The following RELN variants were observed in gnomAD, a reference collection of about 807,000 sequenced individuals.
RELN encodes reelin.
In RELN, 108 loss-of-function variants were observed where a neutral mutation model predicts 427.6. The observed-to-expected ratio is 0.25, with a 90% CI of 0.22 to 0.30. The LOEUF (loss-of-function observed/expected upper bound fraction) is 0.30, where lower values mean the gene tolerates loss of function less well. Among genes scored for constraint, RELN ranks in the 10% least tolerant of loss-of-function variants. RELN has a pLI of 1.00. For missense variants in RELN, 3,715 were observed against 4,302.8 expected (o/e 0.86, Z 3.82); for synonymous variants, 1,524 against 1,513.4 (o/e 1.01, Z -0.16).
intron 46 of RELN, among the ~76,000 whole-genome samples, chr7:103,526,562 T>C (rs1366748934): frequency 3.3e-5 from 5 of 152,208 alleles, no homozygotes; most frequent in African/African-American, 7.2e-5. Flanking sequence ...AGGATACACA[T>C]ACTATCCAAT....
chr7:103,936,575 G>A (rs1009178168), intron 1 of RELN, among the ~76,000 whole-genome samples: 67 of 152,020 alleles, frequency 4.4e-4, no homozygotes, highest in African/African-American at 1.5e-3. Context: ...AGCAATGGCC[G>A]ACAAATCCTT....
At chr7:103,715,071 A>T (rs1789904382) in intron 8 of RELN, among the ~76,000 whole-genome samples, 1 of 152,190 alleles carries the variant, frequency 6.6e-6, no homozygotes, top group African/African-American at 2.4e-5. Context: ...GGAAGTCTAG[A>T]CTTTATGTCT....
chr7:103,892,809 A>G (rs1794878678), intron 2 of RELN, among the ~76,000 whole-genome samples: 1 of 152,204 alleles, frequency 6.6e-6, no homozygotes, highest in South Asian at 2.1e-4. Context: ...CTCTGAAACT[A>G]GGATCACTGT....
chr7:103,961,676 T>C (rs1796557802), intron 1 of RELN, among the ~76,000 whole-genome samples: 1 of 152,142 alleles, frequency 6.6e-6, no homozygotes, highest in Admixed American at 6.5e-5. Flanking sequence ...TCCTCGTGGG[T>C]CTGAATTCTG....
At chr7:103,792,556 CGGGGGATG>C (rs1236872372) in intron 3 of RELN, among the ~76,000 whole-genome samples, 6 of 21,636 alleles carry the variant, frequency 2.8e-4, no homozygotes, top group Admixed American at 1.6e-3. Flanking sequence ...TAGTGGTTTC[CGGGGGATG>C]GGGGGATGGG....
chr7:103,784,308 T>G (rs1791964394), intron 3 of RELN, among the ~76,000 whole-genome samples: 1 of 152,128 alleles, frequency 6.6e-6, no homozygotes, highest in South Asian at 2.1e-4. Flanking sequence ...CAGGAGAAAA[T>G]AACTTTATGA....
chr7:103,497,996 A>G, intron 54 of RELN, 70 bp from the exon 55 acceptor site: 2 of 1,599,758 alleles, frequency 1.3e-6, no homozygotes, highest in Non-Finnish European at 1.7e-6. Context: ...GTCCTGGATA[A>G]TTTCTTCCAT....
Position 103,610,805 on chromosome 7 carries a change from T to C in RELN, c.2898A>G (p.Glu966=). The change falls in exon 22 of 65, where the codon GAA becomes GAG. Residue 966 remains glutamate, a splice_region_variant and synonymous_variant. Transcript: ENST00000428762. ...HGLTWHLVQE[E]CLPSMPSCQE... ...GACAACTTGGCATACTTGGAAGGCA[T>C]TCCTGAAAGAAAGTTAGGCACAAAT... 1 of 1,580,168 alleles carries C rather than the reference T, an allele frequency of 6.3e-7. No homozygotes were observed. The highest frequency in any genetic ancestry group is 8.7e-7 in the Non-Finnish European group (1 of 1,149,466).
intron 2 of RELN, among the ~76,000 whole-genome samples, chr7:103,863,264 T>C (rs189601831): frequency 1.3e-5 from 2 of 152,274 alleles, no homozygotes; most frequent in African/African-American, 2.4e-5. Context: ...ATCATTATAG[T>C]ATCTTCAAAA....
intron 2 of RELN, among the ~76,000 whole-genome samples, chr7:103,916,799 G>T (rs1563089650): frequency 6.6e-6 from 1 of 152,096 alleles, no homozygotes; most frequent in Non-Finnish European, 1.5e-5. Flanking sequence ...ACAGAATATG[G>T]AAATTTACAT....
At chr7:103,483,941 G>A in intron 61 of RELN, 91 bp from the exon 62 acceptor site, 2 of 1,285,292 alleles carry the variant, frequency 1.6e-6, no homozygotes, top group South Asian at 1.3e-5. Flanking sequence ...GTACAGTGGT[G>A]TGATCTCGGC....
chr7:103,914,305 T>A (rs1461253961), intron 2 of RELN, among the ~76,000 whole-genome samples: 1 of 152,006 alleles, frequency 6.6e-6, no homozygotes, highest in African/African-American at 2.4e-5. Flanking sequence ...GTAAAGGAAC[T>A]GACAAATGAC....
chr7:103,943,934 C>T (rs1413792895), intron 1 of RELN, among the ~76,000 whole-genome samples: 1 of 151,068 alleles, frequency 6.6e-6, no homozygotes, highest in East Asian at 1.9e-4. Context: ...ATTTAGAGTC[C>T]TTTATGGATG....
At chr7:103,600,706 A>G (rs917807485) in intron 24 of RELN, among the ~76,000 whole-genome samples, 4 of 152,202 alleles carry the variant, frequency 2.6e-5, no homozygotes, top group African/African-American at 9.7e-5. Context: ...AAAAAGTAAA[A>G]TATAACCCAG....
intron 53 of RELN, among the ~76,000 whole-genome samples, chr7:103,500,213 T>A (rs1379181862): frequency 6.6e-6 from 1 of 152,238 alleles, no homozygotes; most frequent in East Asian, 1.9e-4. Context: ...TAAATAATGA[T>A]GTAACAGCTA....
chr7:103,606,841 T>TA (rs1432922057), intron 22 of RELN, among the ~76,000 whole-genome samples: 1 of 152,120 alleles, frequency 6.6e-6, no homozygotes, highest in Non-Finnish European at 1.5e-5. Flanking sequence ...CAATTCCACT[T>TA]AAAACCACAA....
At chr7:103,519,657 A>C in intron 48 of RELN, 141 bp from the exon 49 acceptor site, 3 of 658,116 alleles carry the variant, frequency 4.6e-6, no homozygotes, top group Non-Finnish European at 7.9e-6. Flanking sequence ...ATCACAGCTC[A>C]CTGCAGCCTT....
chr7:103,885,542 AACACATGG>A (rs1336578896), intron 2 of RELN, among the ~76,000 whole-genome samples: 1 of 152,138 alleles, frequency 6.6e-6, no homozygotes, highest in African/African-American at 2.4e-5. Flanking sequence ...GAACAATGAG[AACACATGG>A]ACACAAGGAA....
At chr7:103,909,814 T>TATTA (rs569906360) in intron 2 of RELN, among the ~76,000 whole-genome samples, 581 of 44,872 alleles carry the variant, frequency 0.013, 83 homozygotes, top group African/African-American at 0.039. Context: ...ATATATAATA[T>TATTA]TATATATAAA....
Sources: gnomAD v4.1 joint callset for allele counts (sites outside exome capture counted in the v4.1 genomes callset) on GRCh38, gnomAD v4.1.1 for gene constraint, MANE v1.5 for transcripts, NCBI Gene and HGNC (gene_info 2026-07-23, HGNC 2026-07-21) for gene names.